The following ILDR1 variants were observed in gnomAD, a reference collection of about 807,000 sequenced individuals.
The protein encoded by ILDR1 is immunoglobulin like domain containing receptor 1, also known as immunoglobulin-like domain-containing receptor 1.
Under a neutral mutation model 62.4 loss-of-function variants are expected in ILDR1, and 56 were observed. That is an observed-to-expected ratio of 0.90 (90% confidence interval 0.72 to 1.12). The LOEUF is 1.12. Ranked by LOEUF, ILDR1 falls within the 50% of genes most tolerant of loss-of-function variation. ILDR1 has a pLI of 0.00. For synonymous variants in ILDR1, 284 were observed against 277.8 expected (o/e 1.02, Z -0.22); for missense variants, 736 against 710.6 (o/e 1.04, Z -0.41).
intron 5 of ILDR1, among the ~76,000 whole-genome samples, chr3:121,994,930 C>G (rs1327139544): frequency 6.6e-6 from 1 of 152,228 alleles, no homozygotes; most frequent in Non-Finnish European, 1.5e-5. Flanking sequence ...GTCCTTTCTA[C>G]TCTTCCCGCC....
At chr3:122,005,471 C>A (rs954236851) in intron 2 of ILDR1, 78 bp from the exon 3 acceptor site, 1 of 1,518,092 alleles carries the variant, frequency 6.6e-7, no homozygotes, top group Non-Finnish European at 9.1e-7. Flanking sequence ...CTGCTCCGGG[C>A]GTGAGACACA....
the ILDR1 span, among the ~76,000 whole-genome samples, chr3:122,055,900 A>G: frequency 6.6e-6 from 1 of 152,136 alleles, no homozygotes; most frequent in Non-Finnish European, 1.5e-5. Flanking sequence ...AGGTAGAGGG[A>G]GAGAGATCAA....
Position 122,022,231 on chromosome 3 carries a change from CG to C in ILDR1, c.-155del. Reference sequence around the variant, plus strand: ...GGGGAGGGAGCGTCCGCTCTGGTCCCGGGGCAGGTGCCGCCCGGCTCGTCCC... The same window carrying C: ...GGGGAGGGAGCGTCCGCTCTGGTCCCGGGCAGGTGCCGCCCGGCTCGTCCC... On this transcript the variant is annotated 5_prime_UTR_variant, in exon 1 of 8. Transcript: ENST00000344209. 1 of 633,976 alleles carries C rather than the reference CG, an allele frequency of 1.6e-6. No homozygotes were observed. Among genetic ancestry groups the C allele is most frequent in the Non-Finnish European group, 2.6e-6 (1 of 383,598 alleles). The allele number at this position is 633,976 out of a possible 1,614,324, so 39.3% of individuals were successfully genotyped here.
chr3:122,055,469 GT>G, the ILDR1 span: 1 of 1,613,352 alleles, frequency 6.2e-7, no homozygotes, highest in Non-Finnish European at 8.5e-7. Flanking sequence ...CAGATATTAG[GT>G]CACAGCAGAA....
At chr3:122,034,847 G>A in the ILDR1 span, among the ~76,000 whole-genome samples, 9,036 of 152,266 alleles carry the variant, frequency 0.059, 381 homozygotes, top group Non-Finnish European at 0.089. Flanking sequence ...CAAAGAGAGA[G>A]CTGTGCAGGG....
At chr3:121,991,243 A>T (rs891019095) in intron 7 of ILDR1, among the ~76,000 whole-genome samples, 8 of 152,344 alleles carry the variant, frequency 5.3e-5, no homozygotes, top group Admixed American at 2.0e-4. Context: ...TAAAGGGCTT[A>T]TCCAGTGTCT....
the ILDR1 span, among the ~76,000 whole-genome samples, chr3:122,047,480 A>C: frequency 6.6e-6 from 1 of 152,234 alleles, no homozygotes; most frequent in African/African-American, 2.4e-5. Context: ...TTACCTAAGC[A>C]AGCCTGGGCA....
intron 3 of ILDR1, among the ~76,000 whole-genome samples, chr3:122,003,268 A>G (rs1365490326): frequency 6.6e-6 from 1 of 152,194 alleles, no homozygotes; most frequent in African/African-American, 2.4e-5. Flanking sequence ...TTTATTGAGG[A>G]AATGAAACAA....
rs775631799 is a variant in ILDR1, at chr3:122,005,385, C to A, written c.238G>T (p.Ala80Ser). 8 of 1,614,170 alleles carry A rather than the reference C, an allele frequency of 5.0e-6. No homozygotes were observed. In the South Asian group the frequency reaches 8.8e-5, roughly 18 times the overall value. ...GGGTCCTGGCCCAGGGATAAAGCTGCCTGGTATGCTGAGGAGAGAGGGCAC... is the reference window on the plus strand; with the variant it reads ...GGGTCCTGGCCCAGGGATAAAGCTGACTGGTATGCTGAGGAGAGAGGGCAC... ...IFDYYSASYQ[A>S]ALSLGQDPSN... The change falls in exon 3 of 8, where the codon GCA becomes TCA. Residue 80 changes from alanine (A) to serine (S), a missense_variant. Ala to Ser is a moderately conservative substitution (Grantham distance 99). Transcript: ENST00000344209.
intron 7 of ILDR1, among the ~76,000 whole-genome samples, chr3:121,990,887 T>TA (rs1245288507): frequency 6.6e-6 from 1 of 152,138 alleles, no homozygotes; most frequent in Non-Finnish European, 1.5e-5. Flanking sequence ...GAGGCTCCCA[T>TA]AGTTGTGAGG....
Position 121,993,812 on chromosome 3 carries a change from G to A in ILDR1, c.937C>T (p.Pro313Ser). The change falls in exon 7 of 8, where the codon CCC (proline) becomes TCC (serine). Residue 313 changes from proline (P) to serine (S), a missense_variant. Pro to Ser is a moderately conservative substitution (Grantham distance 74, BLOSUM62 -1). Transcript: ENST00000344209. ...CCCAGGGAGGACAGCATGCTGCAGG[G>A]ATGGCCAAATCTGCCTTTGAGGTCA... Reference protein sequence around the residue: ...PPDLKGRFGHPCSMLSSLGSE... With the variant: ...PPDLKGRFGHSCSMLSSLGSE... 1.9e-6 allele frequency: 3 copies of A among 1,614,152 alleles called. No individual in the cohort carries two copies. Among genetic ancestry groups the A allele is most frequent in the Non-Finnish European group, 2.5e-6 (3 of 1,180,032 alleles).
chr3:122,057,039 GT>G, the ILDR1 span, among the ~76,000 whole-genome samples: 4,961 of 152,256 alleles, frequency 0.033, 256 homozygotes, highest in African/African-American at 0.11. Flanking sequence ...TAAAACAACA[GT>G]GAAGTATCAT....
intron 1 of ILDR1, among the ~76,000 whole-genome samples, chr3:122,014,516 G>C (rs2071751652): frequency 6.6e-6 from 1 of 151,928 alleles, no homozygotes; most frequent in Non-Finnish European, 1.5e-5. Context: ...GGACATTTAG[G>C]TTGTTTCTGA....
the ILDR1 span, among the ~76,000 whole-genome samples, chr3:122,052,176 G>T: frequency 1.3e-5 from 2 of 152,112 alleles, no homozygotes; most frequent in Admixed American, 1.3e-4. Flanking sequence ...AGCTGTATTG[G>T]CCTCTGCTGT....
At chr3:122,044,933 T>A in the ILDR1 span, among the ~76,000 whole-genome samples, 1 of 148,596 alleles carries the variant, frequency 6.7e-6, no homozygotes, top group African/African-American at 2.5e-5. Flanking sequence ...TCTGCTCTGA[T>A]TTTAGTTATT....
the ILDR1 span, among the ~76,000 whole-genome samples, chr3:122,042,068 C>A: frequency 0.041 from 4,212 of 102,728 alleles, 142 homozygotes; most frequent in South Asian, 0.097. Flanking sequence ...CCTCCCCCCT[C>A]CCCCCACCCC....
chr3:121,993,724 G>A lies in ILDR1; in HGVS notation c.1025C>T (p.Ser342Leu). The stretch of plus-strand genomic sequence containing the variant: ...GTGCAGGGAGTCACTGGTCCTCCTT[G>A]AGGATGACAGGTCTCTGATCAGTGG... ...LPPLIRDLSSSRRTSDSLHQQ... is the reference protein window; with the variant it reads ...LPPLIRDLSSLRRTSDSLHQQ... The change falls in exon 7 of 8, where the codon TCA (serine) becomes TTA (leucine). Residue 342 changes from serine to leucine, a missense_variant. Ser to Leu is a moderately radical substitution (Grantham distance 145, BLOSUM62 -2). Transcript: ENST00000344209. 6.2e-7 allele frequency: 1 copy of A among 1,614,144 alleles called. No individual in the cohort carries two copies.
At chr3:122,053,241 G>A in the ILDR1 span, among the ~76,000 whole-genome samples, 1 of 152,076 alleles carries the variant, frequency 6.6e-6, no homozygotes, top group Non-Finnish European at 1.5e-5. Context: ...TGTGATATTG[G>A]CCATTTCTAT....
At chr3:122,000,890 T>C (rs1299765338) in intron 5 of ILDR1, among the ~76,000 whole-genome samples, 2 of 152,196 alleles carry the variant, frequency 1.3e-5, no homozygotes, top group Non-Finnish European at 2.9e-5. Context: ...AAGTATCGAG[T>C]GGCATGTGAG....
Sources: allele counts gnomAD v4.1 joint callset (sites outside exome capture counted in the v4.1 genomes callset), GRCh38; gene constraint gnomAD v4.1.1; transcripts MANE v1.5; gene names NCBI Gene and HGNC (gene_info 2026-07-23, HGNC 2026-07-21).